ZFHX3: variants seen among roughly 807,000 people sequenced by gnomAD.
ZFHX3 encodes the protein zinc finger homeobox 3, also known as zinc finger homeobox protein 3.
A neutral mutation model predicts 279.1 loss-of-function variants in ZFHX3; 42 were observed. That is an observed-to-expected ratio of 0.15 (90% CI 0.12 to 0.19). ZFHX3 has a LOEUF of 0.19. ZFHX3 is among the 10% of genes least tolerant of loss of function. The pLI, the probability that ZFHX3 is intolerant of heterozygous loss-of-function variation, is 1.00. For synonymous variants in ZFHX3, 2,293 were observed against 1,957.8 expected (o/e 1.17, Z -4.52); for missense variants, 4,981 against 4,754.0 (o/e 1.05, Z -1.40).
Position 72,964,620 on chromosome 16 carries a change from C to T in ZFHX3, c.-49-4426G>A, listed in dbSNP as rs973750966. Among the ~76,000 whole-genome samples, 6 of 150,176 alleles carry T rather than the reference C, an allele frequency of 4.0e-5. No homozygotes were observed. The East Asian group carries it at 5.9e-4, about 15-fold the overall frequency. ...GTTCAAGGCTGCAGTGAGCTACGAT[C>T]GGGCCACTGCATTCCAGCCTGGGTG... On this transcript the variant is annotated intron_variant, in intron 1 of 9. Transcript: ENST00000268489.
At chr16:73,788,937 A>G (rs1959743027) in intron 1 of ZFHX3, among the ~76,000 whole-genome samples, 1 of 151,272 alleles carries the variant, frequency 6.6e-6, no homozygotes, top group Non-Finnish European at 1.5e-5. Flanking sequence ...TGAGCCACAC[A>G]TGGGATCTGA....
At chr16:73,543,854 CAGAGAGAGAG>C (rs2020059558) in intron 2 of ZFHX3, 2 of 126,724 alleles carry the variant, frequency 1.6e-5, no homozygotes, top group African/African-American at 6.9e-5. Flanking sequence ...GGAGGGAGGA[CAGAGAGAGAG>C]GGAGAGAGAG....
At chr16:73,156,037 C>T (rs12934774) in intron 5 of ZFHX3, among the ~76,000 whole-genome samples, 20,143 of 151,806 alleles carry the variant, frequency 0.13, 1,759 homozygotes, top group Middle Eastern at 0.25. Context: ...TCGAGATCAT[C>T]CTGGCTAACA....
At chr16:72,992,865 G>T (rs535819297) in intron 1 of ZFHX3, among the ~76,000 whole-genome samples, 1 of 152,342 alleles carries the variant, frequency 6.6e-6, no homozygotes, top group Admixed American at 6.5e-5. Flanking sequence ...GGCCAGGCGC[G>T]ATGGCCCCTG....
At chr16:73,582,133 C>T (rs1176199143) in intron 2 of ZFHX3, among the ~76,000 whole-genome samples, 2 of 151,790 alleles carry the variant, frequency 1.3e-5, no homozygotes, top group African/African-American at 2.4e-5. Flanking sequence ...TGGCTAGAAA[C>T]TCTGGAATAC....
At chr16:73,159,332 A>G (rs1443226987) in intron 5 of ZFHX3, among the ~76,000 whole-genome samples, 1 of 152,168 alleles carries the variant, frequency 6.6e-6, no homozygotes, top group African/African-American at 2.4e-5. Context: ...TTTTTATCTA[A>G]GTCCTTGGGT....
intron 8 of ZFHX3, among the ~76,000 whole-genome samples, chr16:73,073,466 T>A (rs1185802279): frequency 6.6e-6 from 1 of 152,210 alleles, no homozygotes; most frequent in Non-Finnish European, 1.5e-5. Context: ...ATTTTAAACT[T>A]CTAAATGTCA....
At chr16:73,620,979 C>T (rs188833310) in intron 2 of ZFHX3, among the ~76,000 whole-genome samples, 2 of 152,320 alleles carry the variant, frequency 1.3e-5, no homozygotes, top group East Asian at 3.9e-4. Flanking sequence ...GTTACATCTT[C>T]CTGCCCCTTG....
chr16:73,686,272 T>G (rs2053082884), intron 1 of ZFHX3, among the ~76,000 whole-genome samples: 1 of 152,084 alleles, frequency 6.6e-6, no homozygotes, highest in African/African-American at 2.4e-5. Flanking sequence ...TTTTTTGTAT[T>G]TTTAGTAGAG....
At chr16:73,025,471 G>T (rs561407713) in intron 1 of ZFHX3, among the ~76,000 whole-genome samples, 52 of 152,230 alleles carry the variant, frequency 3.4e-4, no homozygotes, top group Non-Finnish European at 5.3e-4. Context: ...GTATTGTGGA[G>T]CCCTCACGGA....
intron 1 of ZFHX3, among the ~76,000 whole-genome samples, chr16:73,746,183 C>G (rs182889833): frequency 1.9e-3 from 287 of 152,192 alleles, no homozygotes; most frequent in African/African-American, 6.0e-3. Flanking sequence ...AATCCTGCCG[C>G]TGTTGCTCCA....
chr16:73,716,723 C>A (rs572062071), intron 1 of ZFHX3, among the ~76,000 whole-genome samples: 1 of 152,070 alleles, frequency 6.6e-6, no homozygotes, highest in South Asian at 2.1e-4. Context: ...AGGGCCTTCA[C>A]ACAGAGTGAT....
chr16:73,616,327 C>T (rs559666203), intron 2 of ZFHX3, among the ~76,000 whole-genome samples: 1 of 147,050 alleles, frequency 6.8e-6, no homozygotes, highest in African/African-American at 2.5e-5. Flanking sequence ...TGACAGCTGA[C>T]AAGGAAACAC....
chr16:72,788,129 G>A lies in ZFHX3; in HGVS notation c.10147C>T (p.Leu3383=). 6.3e-7 allele frequency: 1 copy of A among 1,596,866 alleles called. No individual in the cohort carries two copies. Among genetic ancestry groups the A allele is most frequent in the Non-Finnish European group, 8.6e-7 (1 of 1,167,990 alleles). The stretch of plus-strand genomic sequence containing the variant: ...ACTTTTTGCTGCTGCTGCTGCTGTA[G>A]TTGCCGCTGCTGCTGCTGCTGAATT... ...EAIQQQQQRQ[L]QQQQQQKVQQ... The change falls in exon 10 of 10, where the codon CTA becomes TTA. Residue 3383 remains leucine (L), a synonymous_variant. Transcript: ENST00000268489.
chr16:73,236,581 G>A (rs2012956790), intron 5 of ZFHX3, among the ~76,000 whole-genome samples: 1 of 152,040 alleles, frequency 6.6e-6, no homozygotes, highest in African/African-American at 2.4e-5. Context: ...CTGGGCAACA[G>A]AGCAAGACTC....
At chr16:73,867,830 G>A (rs1210984290) in intron 1 of ZFHX3, among the ~76,000 whole-genome samples, 2 of 152,200 alleles carry the variant, frequency 1.3e-5, no homozygotes, top group Non-Finnish European at 2.9e-5. Context: ...GCAGCGTTCT[G>A]ATACTTCCCA....
chr16:73,494,177 A>C (rs927655643), intron 2 of ZFHX3, among the ~76,000 whole-genome samples: 1 of 152,160 alleles, frequency 6.6e-6, no homozygotes, highest in Non-Finnish European at 1.5e-5. Flanking sequence ...TTGGATCTGA[A>C]ACCAGTTAGT....
chr16:73,811,592 G>A (rs895334788), intron 1 of ZFHX3, among the ~76,000 whole-genome samples: 5 of 151,896 alleles, frequency 3.3e-5, no homozygotes, highest in African/African-American at 1.2e-4. Flanking sequence ...CTACAGGCAC[G>A]CGCGCCAACA....
intron 3 of ZFHX3, among the ~76,000 whole-genome samples, chr16:73,419,559 T>TA (rs1278818206): frequency 6.6e-6 from 1 of 152,110 alleles, no homozygotes; most frequent in African/African-American, 2.4e-5. Context: ...GGGGCTCTCT[T>TA]AAAAATGTGG....
Sources: allele counts gnomAD v4.1 joint callset (sites outside exome capture counted in the v4.1 genomes callset), GRCh38; gene constraint gnomAD v4.1.1; transcripts MANE v1.5; gene names NCBI Gene and HGNC (gene_info 2026-07-23, HGNC 2026-07-21).